PTPRN2: variants seen among roughly 807,000 people sequenced by gnomAD.
PTPRN2 encodes receptor-type tyrosine-protein phosphatase N2.
Under a neutral mutation model 118.8 loss-of-function variants are expected in PTPRN2, and 74 were observed. The observed-to-expected ratio is 0.62, with a 90% confidence interval of 0.52 to 0.76. The LOEUF (loss-of-function observed/expected upper bound fraction) is 0.76. Ranked by LOEUF, PTPRN2 falls within the 30% of genes least tolerant of loss-of-function variation. The pLI, the probability that PTPRN2 is intolerant of heterozygous loss-of-function variation, is 0.00. For synonymous variants in PTPRN2, 641 were observed against 608.0 expected, an observed-to-expected ratio of 1.05 and a Z score of -0.80; for missense variants, 1,481 against 1,394.4, an observed-to-expected ratio of 1.06 and a Z score of -0.99.
At chr7:158,061,240 C>T (rs866360364) in intron 11 of PTPRN2, among the ~76,000 whole-genome samples, 5 of 152,220 alleles carry the variant, frequency 3.3e-5, no homozygotes, top group African/African-American at 7.2e-5. Context: ...TCAGAGAGTG[C>T]GCGTCCCGCC....
chr7:157,958,632 G>T (rs565891648), intron 11 of PTPRN2, among the ~76,000 whole-genome samples: 1 of 151,956 alleles, frequency 6.6e-6, no homozygotes, highest in Middle Eastern at 3.2e-3. Context: ...AATGCCAAAA[G>T]GACATTTAAA....
chr7:158,166,212 G>T (rs939275650), intron 6 of PTPRN2, among the ~76,000 whole-genome samples: 1 of 151,112 alleles, frequency 6.6e-6, no homozygotes, highest in Non-Finnish European at 1.5e-5. Flanking sequence ...AGTGAGAAGG[G>T]AACACACACT....
chr7:157,743,850 G>T (rs1800772341), intron 12 of PTPRN2, among the ~76,000 whole-genome samples: 1 of 152,260 alleles, frequency 6.6e-6, no homozygotes, highest in Non-Finnish European at 1.5e-5. Flanking sequence ...GTTATTTCCA[G>T]GTTGGCTGAA....
chr7:158,238,148 C>T (rs762738730), intron 3 of PTPRN2, among the ~76,000 whole-genome samples: 87 of 152,042 alleles, frequency 5.7e-4, no homozygotes, highest in Middle Eastern at 3.4e-3. Context: ...CGCCCGTGTC[C>T]GGCTCTGATT....
intron 3 of PTPRN2, among the ~76,000 whole-genome samples, chr7:158,245,254 T>C (rs12698177): frequency 1.6e-4 from 7 of 44,608 alleles, no homozygotes; most frequent in African/African-American, 2.9e-4. Context: ...GTGGTCATGC[T>C]GGAATCCACG....
intron 3 of PTPRN2, among the ~76,000 whole-genome samples, chr7:158,302,099 C>T (rs958459304): frequency 6.6e-6 from 1 of 152,170 alleles, no homozygotes; most frequent in Non-Finnish European, 1.5e-5. Context: ...TAAAAGATGC[C>T]TCCTAATTTC....
chr7:158,196,210 A>G (rs1233030323), intron 4 of PTPRN2, among the ~76,000 whole-genome samples: 1 of 152,126 alleles, frequency 6.6e-6, no homozygotes, highest in African/African-American at 2.4e-5. Context: ...CATCTACCAA[A>G]TCCTCAGCAG....
intron 3 of PTPRN2, among the ~76,000 whole-genome samples, chr7:158,207,996 G>A (rs1827292463): frequency 6.6e-6 from 1 of 152,182 alleles, no homozygotes. Context: ...AAACATAACT[G>A]ACCCATTGCA....
At chr7:158,188,193 G>T (rs1825360485) in intron 5 of PTPRN2, among the ~76,000 whole-genome samples, 1 of 130,754 alleles carries the variant, frequency 7.6e-6, no homozygotes, top group Admixed American at 7.9e-5. Flanking sequence ...CCGCGATGGG[G>T]AAGGCCGCCA....
rs772827607 is a variant in PTPRN2, at chr7:158,319,507, C to CTCACACACACACGATCT, written c.164-2576_164-2575insAGATCGTGTGTGTGTGA. 8.8e-3 allele frequency among the ~76,000 whole-genome samples: 215 copies of CTCACACACACACGATCT among 24,320 alleles called. 48 individuals carry two copies. The highest frequency in any genetic ancestry group is 0.033 in the African/African-American group (190 of 5,800). The allele number at this position is 24,320 out of a possible 152,430, so 16.0% of individuals were successfully genotyped here. A position where few individuals can be genotyped will look rare whatever the true frequency, so the allele number is the denominator to read the frequency against. On this transcript the variant is annotated intron_variant, in intron 2 of 22. Transcript: ENST00000389418. ...CCTCCCTCACACTCACACAGCCTCC[C>CTCACACACACACGATCT]CCCACACACACAGCCTCCCTCACAC...
Position 158,258,197 on chromosome 7 carries a change from G to A in PTPRN2, c.278-52924C>T, listed in dbSNP as rs547809301. On this transcript the variant is annotated intron_variant, in intron 3 of 22. Transcript: ENST00000389418. ...GGATTTCTCCTGGAGCATTCCCGAC[G>A]TCCACACACCACATTTCCTCCGCTC... Among the ~76,000 whole-genome samples the A allele has an allele frequency of 6.0e-4, 91 of 152,248 alleles. 1 individual carries two copies. Among genetic ancestry groups the A allele is most frequent in the Admixed American group, 2.2e-3 (33 of 15,276 alleles).
rs113132909 is a variant in PTPRN2, at chr7:158,273,620, G to A, written c.277+43199C>T. ...GGAGGAGCCGCAGACACGGGGAGCCGCAGGCATGGGGGAGCCGCAGACAGA... is the reference window on the plus strand; with the variant it reads ...GGAGGAGCCGCAGACACGGGGAGCCACAGGCATGGGGGAGCCGCAGACAGA... On this transcript the variant is annotated intron_variant, in intron 3 of 22. Coordinates refer to ENST00000389418, the MANE Select transcript of PTPRN2 (RefSeq NM_002847.5). Among the ~76,000 whole-genome samples the A allele has an allele frequency of 5.6e-3, 298 of 52,880 alleles. 69 individuals carry two copies. The highest frequency in any genetic ancestry group is 0.018 in the African/African-American group (129 of 7,082). The allele number at this position is 52,880 out of a possible 152,430, so 34.7% of individuals were successfully genotyped here. A position where few individuals can be genotyped will look rare whatever the true frequency, so the allele number is the denominator to read the frequency against.
chr7:157,805,289 C>G (rs1585515427), intron 12 of PTPRN2, among the ~76,000 whole-genome samples: 1 of 148,690 alleles, frequency 6.7e-6, no homozygotes, highest in Non-Finnish European at 1.5e-5. Context: ...ATATATACTC[C>G]TGTGTGTGTG....
intron 6 of PTPRN2, among the ~76,000 whole-genome samples, chr7:158,153,365 G>A (rs1585658279): frequency 6.6e-6 from 1 of 152,224 alleles, no homozygotes. Flanking sequence ...GTCTGATTGA[G>A]CTGACTAACA....
chr7:157,736,415 CTACAGGACTGGTGTCCT>C (rs1800299284), intron 12 of PTPRN2, among the ~76,000 whole-genome samples: 1 of 152,210 alleles, frequency 6.6e-6, no homozygotes, highest in Non-Finnish European at 1.5e-5. Flanking sequence ...GGCCCCGATC[CTACAGGACTGGTGTCCT>C]TACAAGAAGA....
In PTPRN2 at chr7:157,794,222, TCC is replaced by T. The variant is rs1364939938; in HGVS notation, c.1788+104449_1788+104450del. On this transcript the variant is annotated intron_variant, in intron 12 of 22. Transcript: ENST00000389418. This position sits in a 1 kb window ranked among gnomAD's most constrained non-coding sequence, Gnocchi z 5.2. ...CACACCTCCGACCCGGGCTCACACC[TCC>T]CCTCGTTCTCTGCTCCGACCCGGGC... 1.6e-5 allele frequency among the ~76,000 whole-genome samples: 2 copies of T among 121,286 alleles called. No individual in the cohort carries two copies. The highest frequency in any genetic ancestry group is 6.6e-5 in the African/African-American group (2 of 30,236). 79.6% of individuals were successfully genotyped at this position (121,286 alleles called of 152,430 possible). A position where few individuals can be genotyped will look rare whatever the true frequency, so the allele number is the denominator to read the frequency against.
intron 17 of PTPRN2, among the ~76,000 whole-genome samples, chr7:157,581,528 C>T (rs759122871): frequency 6.6e-6 from 1 of 152,164 alleles, no homozygotes; most frequent in Admixed American, 6.5e-5. Context: ...TGAGCCATCT[C>T]GACGCGCCCG....
intron 11 of PTPRN2, among the ~76,000 whole-genome samples, chr7:158,057,871 C>T (rs1189139479): frequency 1.3e-5 from 2 of 152,194 alleles, no homozygotes; most frequent in South Asian, 4.1e-4. Flanking sequence ...GGAACACGGG[C>T]CGTGAAGGAG....
intron 12 of PTPRN2, among the ~76,000 whole-genome samples, chr7:157,760,016 C>T (rs1408459014): frequency 6.6e-6 from 1 of 152,192 alleles, no homozygotes; most frequent in Non-Finnish European, 1.5e-5. Flanking sequence ...CAGGGGGACC[C>T]ACCCCTTCCT....
Sources: allele counts gnomAD v4.1 joint callset (sites outside exome capture counted in the v4.1 genomes callset), GRCh38; gene constraint gnomAD v4.1.1; non-coding constraint Gnocchi (gnomAD v3.1); transcripts MANE v1.5; gene names NCBI Gene and HGNC (gene_info 2026-07-23, HGNC 2026-07-21).